ANKFN1: variants seen among roughly 807,000 people sequenced by gnomAD.
The protein encoded by ANKFN1 is ankyrin repeat and fibronectin type III domain containing 1.
In ANKFN1, 74 loss-of-function variants were observed where a neutral mutation model predicts 108.7. The observed-to-expected ratio is 0.68, with a 90% confidence interval of 0.56 to 0.83. ANKFN1 has a LOEUF of 0.83. ANKFN1 is among the 40% of genes least tolerant of loss of function. The probability of loss-of-function intolerance (pLI) is 0.00; values close to 1 mark genes in which losing one functional copy is unlikely to be tolerated. For missense variants in ANKFN1, 1,505 were observed against 1,382.3 expected (o/e 1.09, Z -1.41); for synonymous variants, 547 against 516.2 (o/e 1.06, Z -0.81).
rs868213292 is a variant in ANKFN1 at position 56,170,774 on chromosome 17, T to A, written c.-71+17244T>A. ...TGAGACTCTGTCAAGAAAAAATTTTTTATATATATATATATATATATATAT... is the reference window on the plus strand; with the variant it reads ...TGAGACTCTGTCAAGAAAAAATTTTATATATATATATATATATATATATAT... On this transcript the variant is annotated intron_variant, in intron 1 of 20. Transcript: ENST00000682825. Among the ~76,000 whole-genome samples, 64 of 68,100 alleles carry A rather than the reference T, an allele frequency of 9.4e-4. 1 individual carries two copies. In the Middle Eastern group the frequency reaches 0.029, roughly 31 times the overall value. 44.7% of individuals were successfully genotyped at this position (68,100 alleles called of 152,430 possible).
intron 8 of ANKFN1, among the ~76,000 whole-genome samples, chr17:56,378,297 C>T (rs1032953165): frequency 1.3e-5 from 2 of 152,128 alleles, no homozygotes; most frequent in African/African-American, 4.8e-5. Flanking sequence ...TTAAAACCCT[C>T]AGGGTCGATC....
intron 2 of ANKFN1, among the ~76,000 whole-genome samples, 79 bp downstream of exon 2, chr17:56,212,758 C>T (rs563899522): frequency 5.5e-4 from 84 of 152,318 alleles, no homozygotes; most frequent in Non-Finnish European, 1.0e-3. Flanking sequence ...ATCAGCTGAG[C>T]TAGTAGTTCC....
rs1904961964 is a variant in ANKFN1, at chr17:56,060,926, A to C, written c.288+14601A>C. ...TGTGTCTCCTCCAGGTTTTGGTATC[A>C]GGATAATTCTGGCTTCATCATAAAA... On this transcript the variant is annotated intron_variant, in intron 4 of 12. Transcript: ENST00000635860. Among the ~76,000 whole-genome samples, 3 of 152,352 alleles carry C rather than the reference A, an allele frequency of 2.0e-5. 1 individual carries two copies. The highest frequency in any genetic ancestry group is 2.0e-4 in the Admixed American group (3 of 15,300).
chr17:56,202,296 C>T (rs1171888692), intron 1 of ANKFN1, among the ~76,000 whole-genome samples: 1 of 143,950 alleles, frequency 6.9e-6, no homozygotes, highest in East Asian at 2.2e-4. Context: ...AGACTTTCTC[C>T]TCCTCAGCCT....
intron 1 of ANKFN1, among the ~76,000 whole-genome samples, chr17:56,158,345 G>C (rs1260313852): frequency 6.6e-6 from 1 of 152,150 alleles, no homozygotes; most frequent in African/African-American, 2.4e-5. Context: ...TAAAAAGAAA[G>C]GGAAGAAGAA....
At chr17:56,398,746 C>G (rs2047663231) in intron 8 of ANKFN1, among the ~76,000 whole-genome samples, 1 of 152,114 alleles carries the variant, frequency 6.6e-6, no homozygotes, top group Non-Finnish European at 1.5e-5. Context: ...ACTCTGCCAC[C>G]TAACATCTTT....
chr17:56,510,746 T>G lies in ANKFN1; in HGVS notation c.2918T>G (p.Leu973Arg), dbSNP rs1355299062. 1 of 1,536,116 alleles carries G rather than the reference T, an allele frequency of 6.5e-7. No individual in the cohort carries two copies. Among genetic ancestry groups the G allele is most frequent in the African/African-American group, 1.4e-5 (1 of 73,172 alleles). Reference sequence around the variant, plus strand: ...TCATGTGCCGAGTTTCTCCATAGCCTGACCCTCACGGGGTTCACACCCAAG... The same window carrying G: ...TCATGTGCCGAGTTTCTCCATAGCCGGACCCTCACGGGGTTCACACCCAAG... ...DHSCAEFLHS[L>R]TLTGFTPKNH... Residue 973 changes from leucine to arginine, a missense_variant, in exon 21 of 21, where the codon CTG (leucine) becomes CGG (arginine). By Grantham distance (102) the Leu-to-Arg change is moderately radical. Coordinates refer to ENST00000682825, the MANE Select transcript of ANKFN1 (RefSeq NM_001370326.1).
intron 8 of ANKFN1, among the ~76,000 whole-genome samples, chr17:56,430,084 T>C (rs1326514979): frequency 6.6e-6 from 1 of 151,986 alleles, no homozygotes; most frequent in Non-Finnish European, 1.5e-5. Flanking sequence ...TGTTGGAAAA[T>C]ATTGGTCCTC....
At chr17:56,381,851 G>A (rs1007050031) in intron 8 of ANKFN1, among the ~76,000 whole-genome samples, 2 of 152,160 alleles carry the variant, frequency 1.3e-5, no homozygotes, top group Non-Finnish European at 2.9e-5. Flanking sequence ...AACCAAGTTG[G>A]AAAACACTCT....
intron 8 of ANKFN1, among the ~76,000 whole-genome samples, chr17:56,406,774 T>A (rs1322080937): frequency 6.6e-6 from 1 of 151,966 alleles, no homozygotes; most frequent in Non-Finnish European, 1.5e-5. Context: ...AGAGTTAGAG[T>A]GAGGTTCTGA....
intron 15 of ANKFN1, among the ~76,000 whole-genome samples, chr17:56,467,512 T>C (rs988777558): frequency 6.6e-6 from 1 of 151,518 alleles, no homozygotes; most frequent in Admixed American, 6.6e-5. Flanking sequence ...AAACCCCATC[T>C]TTACTAGAAA....
At chr17:56,245,292 G>A (rs1358330428) in intron 3 of ANKFN1, among the ~76,000 whole-genome samples, 3 of 152,034 alleles carry the variant, frequency 2.0e-5, no homozygotes, top group Non-Finnish European at 4.4e-5. Flanking sequence ...TAAAGAGCTT[G>A]TCAGGTAGAC....
At chr17:56,271,307 TA>T (rs1256285719) in intron 3 of ANKFN1, among the ~76,000 whole-genome samples, 1 of 152,192 alleles carries the variant, frequency 6.6e-6, no homozygotes, top group Non-Finnish European at 1.5e-5. Flanking sequence ...GCCTGGCCTA[TA>T]TGGTTATTTC....
intron 2 of ANKFN1, among the ~76,000 whole-genome samples, chr17:56,227,233 G>A (rs1916351575): frequency 6.6e-6 from 1 of 151,984 alleles, no homozygotes; most frequent in Non-Finnish European, 1.5e-5. Flanking sequence ...ATAAATTATG[G>A]ATTTGGAAGC....
Position 56,511,280 on chromosome 17 carries a change from C to G in ANKFN1, c.*11C>G. On this transcript the variant is annotated 3_prime_UTR_variant, in exon 21 of 21. Coordinates refer to ENST00000682825, the MANE Select transcript of ANKFN1 (RefSeq NM_001370326.1). ...AGCAGCATGCTTTAGGGAGGCCCAT[C>G]CCGGCTGTCCACCCCTCCATGGCTG... 6.7e-7 allele frequency: 1 copy of G among 1,501,968 alleles called. No individual in the cohort carries two copies. The highest frequency in any genetic ancestry group is 2.5e-5 in the East Asian group (1 of 40,488). The allele number at this position is 1,501,968 out of a possible 1,614,324, so 93.0% of individuals were successfully genotyped here.
intron 3 of ANKFN1, among the ~76,000 whole-genome samples, chr17:56,260,960 A>C (rs1239717935): frequency 6.6e-6 from 1 of 152,244 alleles, no homozygotes. Flanking sequence ...TAGACTGTTC[A>C]GCCATTTGTT....
intron 3 of ANKFN1, among the ~76,000 whole-genome samples, chr17:56,272,210 C>T (rs1168846563): frequency 6.6e-6 from 1 of 152,152 alleles, no homozygotes; most frequent in Non-Finnish European, 1.5e-5. Flanking sequence ...GCATTAAGTA[C>T]ATTGATATGA....
chr17:56,103,928 T>C (rs1433532346), intron 4 of ANKFN1, among the ~76,000 whole-genome samples: 2 of 152,106 alleles, frequency 1.3e-5, no homozygotes, highest in African/African-American at 2.4e-5. Flanking sequence ...CAGAGTAAGA[T>C]GGGGAGGAAA....
chr17:56,477,543 T>C lies in ANKFN1; in HGVS notation c.1829T>C (p.Leu610Pro). Residue 610 changes from leucine to proline, a missense_variant, in exon 16 of 21, where the codon CTG becomes CCG. Leu to Pro is a moderately conservative substitution (Grantham distance 98, BLOSUM62 -3). Coordinates refer to ENST00000682825, the MANE Select transcript of ANKFN1 (RefSeq NM_001370326.1). ...CAGCGTCTCTTTCCTGGATTATATC[T>C]GGGTTACCTAAAGCTCTGTAGCTCT... The part of the protein sequence containing the change: ...SHQRLFPGLY[L>P]GYLKLCSSVD... The C allele has an allele frequency of 1.2e-6, 2 of 1,613,522 alleles. No individual in the cohort carries two copies. Among genetic ancestry groups the C allele is most frequent in the Non-Finnish European group, 1.7e-6 (2 of 1,179,708 alleles).
Sources: allele counts gnomAD v4.1 joint callset (sites outside exome capture counted in the v4.1 genomes callset), GRCh38; gene constraint gnomAD v4.1.1; transcripts MANE v1.5; gene names NCBI Gene and HGNC (gene_info 2026-07-23, HGNC 2026-07-21).